The following MALRD1 variants were observed in gnomAD, a reference collection of about 807,000 sequenced individuals.
The protein encoded by MALRD1 is MAM and LDL-receptor class A domain-containing protein 1.
A neutral mutation model predicts 242.1 loss-of-function variants in MALRD1; 247 were observed. The observed-to-expected ratio is 1.02, with a 90% CI of 0.92 to 1.13. The LOEUF is 1.13. Ranked by LOEUF, MALRD1 falls within the 50% of genes most tolerant of loss-of-function variation. The probability of loss-of-function intolerance (pLI) is 0.00; values close to 1 mark genes in which losing one functional copy is unlikely to be tolerated. For synonymous variants in MALRD1, 995 were observed against 866.6 expected (o/e 1.15, Z -2.60); for missense variants, 2,989 against 2,533.1 (o/e 1.18, Z -3.86).
At chr10:19,050,356 G>A (rs1220983916) in intron 1 of MALRD1, among the ~76,000 whole-genome samples, 2 of 151,164 alleles carry the variant, frequency 1.3e-5, no homozygotes, top group African/African-American at 2.4e-5. Context: ...CAAAGTGCTG[G>A]GATTACAGGC....
intron 39 of MALRD1, among the ~76,000 whole-genome samples, chr10:19,731,283 C>A (rs1353231730): frequency 1.3e-5 from 2 of 152,064 alleles, no homozygotes; most frequent in Non-Finnish European, 2.9e-5. Flanking sequence ...TTTGGGGCTA[C>A]CCCTTATTTT....
At chr10:19,415,481 A>G (rs1442689999) in intron 28 of MALRD1, among the ~76,000 whole-genome samples, 1 of 152,166 alleles carries the variant, frequency 6.6e-6, no homozygotes, top group African/African-American at 2.4e-5. Context: ...GTACTAGCTT[A>G]AGGCTAATTA....
At chr10:19,273,493 C>T (rs572489312) in intron 19 of MALRD1, among the ~76,000 whole-genome samples, 4 of 152,188 alleles carry the variant, frequency 2.6e-5, no homozygotes, top group African/African-American at 4.8e-5. Context: ...CCAGGATGTC[C>T]TTCAGTAGAT....
chr10:19,500,243 C>T (rs985107381), intron 31 of MALRD1, among the ~76,000 whole-genome samples: 5 of 152,090 alleles, frequency 3.3e-5, no homozygotes, highest in African/African-American at 1.2e-4. Context: ...TTTGACTTGC[C>T]ACGTTGTAGC....
chr10:19,437,582 A>T (rs895238745), intron 28 of MALRD1, among the ~76,000 whole-genome samples: 3 of 151,976 alleles, frequency 2.0e-5, no homozygotes, highest in Non-Finnish European at 4.4e-5. Context: ...AGATTTCCTG[A>T]ATCCATTCAC....
intron 21 of MALRD1, among the ~76,000 whole-genome samples, chr10:19,313,919 A>G (rs543397222): frequency 6.6e-6 from 1 of 151,694 alleles, no homozygotes; most frequent in East Asian, 1.9e-4. Context: ...CATTTCAACA[A>G]ATGTTGTCAT....
At chr10:19,666,415 C>G (rs543622066) in intron 36 of MALRD1, among the ~76,000 whole-genome samples, 1 of 152,226 alleles carries the variant, frequency 6.6e-6, no homozygotes, top group South Asian at 2.1e-4. Context: ...ATGCTGTATA[C>G]TACTAGGCTA....
At chr10:19,538,982 T>C (rs6481968) in intron 32 of MALRD1, among the ~76,000 whole-genome samples, 9,371 of 152,242 alleles carry the variant, frequency 0.062, 336 homozygotes, top group Middle Eastern at 0.11. Flanking sequence ...ACATTTAGCA[T>C]GTATATGCTC....
chr10:19,698,427 A>G (rs891776906), intron 38 of MALRD1, among the ~76,000 whole-genome samples: 1 of 152,214 alleles, frequency 6.6e-6, no homozygotes, highest in African/African-American at 2.4e-5. Flanking sequence ...TGAGGCTCAC[A>G]AAGGGAAGCA....
At chr10:19,374,690 T>G (rs953454075) in intron 26 of MALRD1, among the ~76,000 whole-genome samples, 4 of 152,212 alleles carry the variant, frequency 2.6e-5, no homozygotes, top group Non-Finnish European at 4.4e-5. Context: ...TTTTCAGTTT[T>G]CACTCTTCAG....
At chr10:19,417,980 C>A (rs193101106) in intron 28 of MALRD1, among the ~76,000 whole-genome samples, 3 of 152,130 alleles carry the variant, frequency 2.0e-5, no homozygotes, top group Non-Finnish European at 4.4e-5. Context: ...CACATACACA[C>A]GCACACACAC....
At chr10:19,141,664 A>G (rs1250294516) in intron 10 of MALRD1, among the ~76,000 whole-genome samples, 1 of 152,054 alleles carries the variant, frequency 6.6e-6, no homozygotes, top group Non-Finnish European at 1.5e-5. Flanking sequence ...TTGGCATGAT[A>G]GATACATCTT....
intron 31 of MALRD1, among the ~76,000 whole-genome samples, chr10:19,526,116 C>T (rs1246717334): frequency 1.3e-5 from 2 of 152,012 alleles, no homozygotes; most frequent in Admixed American, 1.3e-4. Context: ...GCTACATTGA[C>T]CTTCCCCAAG....
intron 38 of MALRD1, 106 bp downstream of exon 38, chr10:19,692,660 A>G: frequency 1.2e-6 from 1 of 831,298 alleles, no homozygotes. Flanking sequence ...CATGCAGGAA[A>G]CTTTAGTGTT....
At chr10:19,148,517 C>A (rs1267785837) in intron 11 of MALRD1, among the ~76,000 whole-genome samples, 1 of 151,842 alleles carries the variant, frequency 6.6e-6, no homozygotes, top group African/African-American at 2.4e-5. Context: ...AGGAAAAACA[C>A]CAGATAAGAC....
rs188780314 is a variant in MALRD1, at chr10:19,726,261, A to G, written c.6315-4445A>G. Reference sequence around the variant, plus strand: ...ATCCATACAACTTAAGAACAAAAAGACAACCCAATTTCAAAATGGGCAAAG... The same window carrying G: ...ATCCATACAACTTAAGAACAAAAAGGCAACCCAATTTCAAAATGGGCAAAG... On this transcript the variant is annotated intron_variant, in intron 38 of 39. Transcript: ENST00000454679. Among the ~76,000 whole-genome samples the G allele has an allele frequency of 2.6e-5, 4 of 152,310 alleles. No individual in the cohort carries two copies. In the East Asian group the frequency reaches 7.7e-4, roughly 29 times the overall value.
intron 28 of MALRD1, among the ~76,000 whole-genome samples, chr10:19,424,491 G>A (rs1294062272): frequency 6.6e-6 from 1 of 152,002 alleles, no homozygotes; most frequent in African/African-American, 2.4e-5. Flanking sequence ...CCTTAACTAA[G>A]TTCAGTTCTA....
rs1042113489 is a variant in MALRD1 at position 19,585,665 on chromosome 10, C to G, written c.5681-9529C>G. ...TTTCTGGCTGCCCTTAACATTTTTT[C>G]CTTCATTTCAACTTTGGTGAATCTG... On this transcript the variant is annotated intron_variant, in intron 33 of 39. Transcript: ENST00000454679. 2.2e-3 allele frequency among the ~76,000 whole-genome samples: 342 copies of G among 152,142 alleles called. 3 individuals carry two copies. Among genetic ancestry groups the G allele is most frequent in the African/African-American group, 3.6e-3 (149 of 41,526 alleles).
chr10:19,141,314 T>C (rs1266580291), intron 10 of MALRD1, among the ~76,000 whole-genome samples: 2 of 152,146 alleles, frequency 1.3e-5, no homozygotes, highest in Admixed American at 6.5e-5. Context: ...CCCAGTTATA[T>C]GAAGTACCTA....
Sources: allele counts gnomAD v4.1 joint callset (sites outside exome capture counted in the v4.1 genomes callset), GRCh38; gene constraint gnomAD v4.1.1; transcripts MANE v1.5; gene names NCBI Gene and HGNC (gene_info 2026-07-23, HGNC 2026-07-21).